The following NCAM2 variants were observed in gnomAD, a reference collection of about 807,000 sequenced individuals.
NCAM2 encodes N-CAM-2.
A neutral mutation model predicts 98.1 loss-of-function variants in NCAM2; 30 were observed. The ratio of observed to expected loss-of-function variants is 0.31; its 90% CI spans 0.23 to 0.41. The LOEUF is 0.41. Among genes scored for constraint, NCAM2 ranks in the 10% least tolerant of loss-of-function variants. The pLI is 1.00. For missense variants in NCAM2, 867 were observed against 1,005.8 expected (o/e 0.86, Z 1.87); for synonymous variants, 368 against 342.4 (o/e 1.07, Z -0.83).
chr21:21,004,808 C>A, intron 1 of NCAM2, among the ~76,000 whole-genome samples: 1 of 152,108 alleles, frequency 6.6e-6, no homozygotes, highest in South Asian at 2.1e-4. Flanking sequence ...CCATGAGATA[C>A]AGGGAGTTTA....
intron 16 of NCAM2, among the ~76,000 whole-genome samples, chr21:21,532,603 CT>C (rs1164966586): frequency 6.6e-6 from 1 of 152,026 alleles, no homozygotes; most frequent in African/African-American, 2.4e-5. Flanking sequence ...CTGCATTGTG[CT>C]TTAGTTCATC....
intron 1 of NCAM2, among the ~76,000 whole-genome samples, chr21:21,254,845 A>G (rs761356340): frequency 2.0e-5 from 3 of 152,160 alleles, no homozygotes; most frequent in Non-Finnish European, 4.4e-5. Flanking sequence ...ATGTGAATAC[A>G]GGCAGATGTT....
chr21:21,359,123 T>C (rs991724215), intron 8 of NCAM2, among the ~76,000 whole-genome samples: 20 of 152,064 alleles, frequency 1.3e-4, no homozygotes, highest in Non-Finnish European at 2.8e-4. Context: ...TTTTTTCTTT[T>C]TTCAACAGAG....
intron 1 of NCAM2, among the ~76,000 whole-genome samples, chr21:21,049,241 G>T (rs1242413217): frequency 6.7e-6 from 1 of 149,566 alleles, no homozygotes; most frequent in African/African-American, 2.5e-5. Context: ...GGATAGTCTC[G>T]ATCTCCTGAC....
At chr21:21,526,617 A>G (rs1022388174) in intron 16 of NCAM2, among the ~76,000 whole-genome samples, 4 of 152,146 alleles carry the variant, frequency 2.6e-5, no homozygotes, top group African/African-American at 9.6e-5. Flanking sequence ...GAATATTGAC[A>G]AATTGATTCT....
chr21:21,410,607 A>T (rs2076837451), intron 10 of NCAM2, 146 bp downstream of exon 10: 1 of 445,260 alleles, frequency 2.2e-6, no homozygotes, highest in Non-Finnish European at 3.7e-6. Flanking sequence ...TATTTACTTA[A>T]AGGTCCATGG....
chr21:21,185,680 A>T (rs918733467), intron 1 of NCAM2, among the ~76,000 whole-genome samples: 35 of 152,264 alleles, frequency 2.3e-4, no homozygotes, highest in African/African-American at 8.4e-4. Flanking sequence ...AAGTATATTC[A>T]TAGCAGCACT....
chr21:21,140,254 A>G (rs923894781), intron 1 of NCAM2, among the ~76,000 whole-genome samples: 1 of 152,326 alleles, frequency 6.6e-6, no homozygotes, highest in African/African-American at 2.4e-5. Context: ...GACACTGGAA[A>G]TTTAAACACA....
At chr21:21,091,701 A>G (rs1381620641) in intron 1 of NCAM2, among the ~76,000 whole-genome samples, 1 of 152,176 alleles carries the variant, frequency 6.6e-6, no homozygotes, top group Admixed American at 6.6e-5. Context: ...TAAGAAAGAG[A>G]TTTGAAACTG....
rs906582576 is a variant in NCAM2, at chr21:21,072,071, C to G, written c.55+73453C>G. Among the ~76,000 whole-genome samples the G allele has an allele frequency of 1.5e-4, 23 of 152,190 alleles. No individual in the cohort carries two copies. The Middle Eastern group carries it at 0.01, about 68-fold the overall frequency. ...GGGACTACAGGCACCCGCCACCACG[C>G]CTGGCTAATTTTTTGTATTTTTAGT... On this transcript the variant is annotated intron_variant, in intron 1 of 17. Coordinates refer to ENST00000400546, the MANE Select transcript of NCAM2 (RefSeq NM_004540.5).
chr21:21,277,691 A>G (rs2072778995), intron 1 of NCAM2, among the ~76,000 whole-genome samples: 1 of 152,146 alleles, frequency 6.6e-6, no homozygotes, highest in Admixed American at 6.5e-5. Context: ...TTGTATGGTA[A>G]GGGACAAATT....
At chr21:21,312,573 GAA>G (rs59194852) in intron 5 of NCAM2, among the ~76,000 whole-genome samples, 4,596 of 148,464 alleles carry the variant, frequency 0.031, 219 homozygotes, top group African/African-American at 0.11. Context: ...ACAGGAAAAA[GAA>G]AAAAAAACTT....
At chr21:21,210,623 T>C in intron 1 of NCAM2, 1 of 1,287,628 alleles carries the variant, frequency 7.8e-7, no homozygotes, top group Non-Finnish European at 1.0e-6. Context: ...CAAGGTCTCT[T>C]TGTTGACTGG....
At chr21:21,534,433 T>G in intron 16 of NCAM2, 104 bp from the exon 17 acceptor site, 1 of 966,774 alleles carries the variant, frequency 1.0e-6, no homozygotes, top group Non-Finnish European at 1.4e-6. Flanking sequence ...CAAGTTGGAT[T>G]TATTTGGAGG....
At chr21:21,115,043 A>T (rs2066526782) in intron 1 of NCAM2, among the ~76,000 whole-genome samples, 1 of 151,814 alleles carries the variant, frequency 6.6e-6, no homozygotes, top group South Asian at 2.1e-4. Context: ...CTGGTCTCGA[A>T]CTCCTGACCT....
At chr21:21,299,484 A>G (rs1054427472) in intron 5 of NCAM2, among the ~76,000 whole-genome samples, 3 of 151,990 alleles carry the variant, frequency 2.0e-5, no homozygotes, top group Non-Finnish European at 4.4e-5. Flanking sequence ...CTTCTTAAGC[A>G]TAGTTTGTTT....
chr21:21,111,572 C>T (rs1428267324), intron 1 of NCAM2, among the ~76,000 whole-genome samples: 1 of 152,120 alleles, frequency 6.6e-6, no homozygotes. Flanking sequence ...GTGACACATG[C>T]TACGGATTAA....
chr21:21,124,036 C>T (rs919279515), intron 1 of NCAM2, among the ~76,000 whole-genome samples: 6 of 151,180 alleles, frequency 4.0e-5, no homozygotes, highest in East Asian at 3.9e-4. Context: ...TTAGTAGAGA[C>T]GGGGTTTCAC....
chr21:21,537,920 A>C lies in NCAM2; in HGVS notation c.2477A>C (p.Asp826Ala). 1 of 1,578,470 alleles carries C rather than the reference A, an allele frequency of 6.3e-7. No individual in the cohort carries two copies. The highest frequency in any genetic ancestry group is 1.4e-5 in the African/African-American group (1 of 72,802). Residue 826 changes from aspartate (D) to alanine (A), a missense_variant, in exon 18 of 18, where the codon GAC (aspartate) becomes GCC (alanine). Asp to Ala is a moderately radical substitution (Grantham distance 126). Coordinates refer to ENST00000400546, the MANE Select transcript of NCAM2 (RefSeq NM_004540.5). Reference sequence around the variant, plus strand: ...ACTATAGAAATTAAAGTTTCTAACGACATCATTCAATCAAAAGAAGACGAC... The same window carrying C: ...ACTATAGAAATTAAAGTTTCTAACGCCATCATTCAATCAAAAGAAGACGAC... ...PETIEIKVSN[D>A]IIQSKEDDSK...
Sources: gnomAD v4.1 joint callset for allele counts (sites outside exome capture counted in the v4.1 genomes callset) on GRCh38, gnomAD v4.1.1 for gene constraint, MANE v1.5 for transcripts, NCBI Gene and HGNC (gene_info 2026-07-23, HGNC 2026-07-21) for gene names.